Variants in LRP5 observed in about 807,000 individuals in gnomAD.
LRP5 encodes LDL receptor related protein 5.
LRP5 carries 62 observed loss-of-function variants against 154.1 expected under a neutral mutation model. The observed-to-expected ratio is 0.40, with a 90% CI of 0.33 to 0.50. The LOEUF (loss-of-function observed/expected upper bound fraction) is 0.50. Among genes scored for constraint, LRP5 ranks in the 20% least tolerant of loss-of-function variants. LRP5 has a pLI of 0.55. For missense variants in LRP5, 1,915 were observed against 2,336.7 expected, an observed-to-expected ratio of 0.82 and a Z score of 3.72; for synonymous variants, 966 against 1,011.5, an observed-to-expected ratio of 0.96 and a Z score of 0.85.
At chr11:68,344,478 C>T (rs1177804483) in intron 1 of LRP5, among the ~76,000 whole-genome samples, 1 of 224 alleles carries the variant, frequency 4.5e-3, no homozygotes, top group East Asian at 0.083. Flanking sequence ...GCCACCACGC[C>T]CCAGCTAATT....
rs932667395 is a variant in LRP5, at chr11:68,445,656, G to T, written c.4489-780G>T. On this transcript the variant is annotated intron_variant, in intron 21 of 22. Coordinates refer to ENST00000294304, the MANE Select transcript of LRP5 (RefSeq NM_002335.4). ...CACCCTTTGGGAAGCTGCATGTTGG[G>T]TTGGGGTGCCGTCAGTGGCACTTGT... 6.8e-6 allele frequency: 9 copies of T among 1,319,172 alleles called. No homozygotes were observed. In the Admixed American group the frequency reaches 2.0e-4, roughly 30 times the overall value. 81.7% of individuals were successfully genotyped at this position (1,319,172 alleles called of 1,614,324 possible). A position where few individuals can be genotyped will look rare whatever the true frequency, so the allele number is the denominator to read the frequency against.
At chr11:68,379,576 C>T (rs865865500) in intron 5 of LRP5, among the ~76,000 whole-genome samples, 2 of 152,186 alleles carry the variant, frequency 1.3e-5, no homozygotes, top group East Asian at 1.9e-4. Context: ...CCAATTTCCA[C>T]GTTTACTGAC....
At position 68,425,249 on chromosome 11, in the gene LRP5, G is replaced by T; in HGVS notation, c.3384G>T (p.Trp1128Cys). 6.2e-7 allele frequency: 1 copy of T among 1,611,542 alleles called. No individual in the cohort carries two copies. Reference sequence around the variant, plus strand: ...ACAACACACTGGGCAAGCTGTTCTGGGTGGACGCGGACCTGAAGCGCATTG... The same window carrying T: ...ACAACACACTGGGCAAGCTGTTCTGTGTGGACGCGGACCTGAAGCGCATTG... ...VVDNTLGKLFWVDADLKRIES... is the reference protein window; with the variant it reads ...VVDNTLGKLFCVDADLKRIES... The change falls in exon 15 of 23, where the codon TGG becomes TGT. Residue 1128 changes from tryptophan (W) to cysteine (C), a missense_variant. Physicochemically the swap from Trp to Cys is radical, Grantham distance 215. This residue lies in a region of LRP5 where 1,094 missense variants were observed against 1,210.1 expected (regional missense o/e 0.90). Transcript: ENST00000294304.
At chr11:68,437,642 TC>T (rs764905204) in intron 19 of LRP5, among the ~76,000 whole-genome samples, 2 of 152,174 alleles carry the variant, frequency 1.3e-5, no homozygotes, top group Non-Finnish European at 2.9e-5. Flanking sequence ...TGAGAGCTCC[TC>T]TCTTATGGCT....
At position 68,442,049 on chromosome 11, in the gene LRP5, A is replaced by G. The variant is rs141008997; in HGVS notation, c.4488+2133A>G. On this transcript the variant is annotated intron_variant, in intron 21 of 22. Transcript: ENST00000294304. ...TGGCCTCCTGCAGTGTGTTTCTTCT[A>G]TGTCCCCCCAGGGGTCATCTGTACA... Among the ~76,000 whole-genome samples, 529 of 152,342 alleles carry G rather than the reference A, an allele frequency of 3.5e-3. 3 individuals carry two copies. Among genetic ancestry groups the G allele is most frequent in the Non-Finnish European group, 6.2e-3 (425 of 68,026 alleles).
intron 1 of LRP5, among the ~76,000 whole-genome samples, chr11:68,320,651 A>C (rs1454702828): frequency 1.3e-5 from 2 of 151,900 alleles, no homozygotes; most frequent in African/African-American, 4.8e-5. Context: ...TGGTAGAGAC[A>C]GGGTTTCACC....
At chr11:68,360,124 G>A (rs866751407) in intron 3 of LRP5, among the ~76,000 whole-genome samples, 5 of 151,896 alleles carry the variant, frequency 3.3e-5, no homozygotes, top group African/African-American at 9.7e-5. Flanking sequence ...TGTTCCTCCC[G>A]CCTCAGCCTT....
At chr11:68,378,119 C>T (rs2098638367) in intron 5 of LRP5, among the ~76,000 whole-genome samples, 1 of 152,020 alleles carries the variant, frequency 6.6e-6, no homozygotes, top group African/African-American at 2.4e-5. Flanking sequence ...ATGGAGGTGT[C>T]CGGGGCTGCC....
the LRP5 span, among the ~76,000 whole-genome samples, chr11:68,303,652 C>A: frequency 3.9e-5 from 6 of 152,182 alleles, no homozygotes; most frequent in African/African-American, 7.2e-5. Context: ...CGCCACCACA[C>A]CAAGCTAATT....
At chr11:68,364,343 T>C (rs2098629735) in intron 4 of LRP5, among the ~76,000 whole-genome samples, 1 of 144,122 alleles carries the variant, frequency 6.9e-6, no homozygotes. Context: ...TATGGTTATT[T>C]ATATATACAT....
At chr11:68,332,096 C>T (rs1046338145) in intron 1 of LRP5, among the ~76,000 whole-genome samples, 8 of 152,260 alleles carry the variant, frequency 5.3e-5, no homozygotes, top group South Asian at 4.1e-4. Context: ...CCCACTCTCC[C>T]GCCTTCTGCA....
intron 1 of LRP5, among the ~76,000 whole-genome samples, chr11:68,313,867 G>A (rs1172291129): frequency 1.3e-5 from 2 of 152,196 alleles, no homozygotes; most frequent in African/African-American, 4.8e-5. Flanking sequence ...AGTGTGAATG[G>A]TGCAGCGGGG....
chr11:68,299,267 G>A, the LRP5 span, among the ~76,000 whole-genome samples: 2 of 152,224 alleles, frequency 1.3e-5, no homozygotes, highest in Non-Finnish European at 2.9e-5. Context: ...GCAAGGGACA[G>A]CTTGGGGACT....
chr11:68,421,686 CTGTGTGTGTGTGTGTGTGTGTGTG>C (rs148066763), intron 13 of LRP5, among the ~76,000 whole-genome samples: 1 of 133,330 alleles, frequency 7.5e-6, no homozygotes, highest in African/African-American at 2.8e-5. Flanking sequence ...CCCAGCAAGG[CTGTGTGTGTGTGTGTGTGTGTGTG>C]TGTGTGTGTG....
At chr11:68,428,414 G>A (rs1398203020) in intron 16 of LRP5, among the ~76,000 whole-genome samples, 1 of 152,184 alleles carries the variant, frequency 6.6e-6, no homozygotes, top group Non-Finnish European at 1.5e-5. Flanking sequence ...GAGACCAGAA[G>A]CCTGCGACCA....
At chr11:68,311,665 C>T (rs536818878), upstream of LRP5, among the ~76,000 whole-genome samples, 16 of 152,388 alleles carry the variant, frequency 1.0e-4, no homozygotes, top group East Asian at 3.1e-3. Flanking sequence ...GAGGAACACA[C>T]ACGTTCACGG....
At chr11:68,387,357 C>T (rs1591262866) in intron 6 of LRP5, among the ~76,000 whole-genome samples, 1 of 152,062 alleles carries the variant, frequency 6.6e-6, no homozygotes, top group East Asian at 1.9e-4. Context: ...TCAGGTGATC[C>T]ACCTGCCTCA....
chr11:68,406,279 G>A (rs1404624635), intron 8 of LRP5, among the ~76,000 whole-genome samples: 2 of 152,204 alleles, frequency 1.3e-5, no homozygotes, highest in African/African-American at 4.8e-5. Flanking sequence ...GATGTGTGGC[G>A]GGAATAAAGC....
intron 1 of LRP5, among the ~76,000 whole-genome samples, chr11:68,341,228 T>C (rs1157971566): frequency 6.6e-6 from 1 of 152,034 alleles, no homozygotes; most frequent in Non-Finnish European, 1.5e-5. Context: ...ACCGTGTTTC[T>C]GAAAGGTTTG....
Sources: gnomAD v4.1 joint callset for allele counts (sites outside exome capture counted in the v4.1 genomes callset) on GRCh38, gnomAD v4.1.1 for gene constraint, gnomAD v4.1.1 regional missense constraint, MANE v1.5 for transcripts, NCBI Gene and HGNC (gene_info 2026-07-23, HGNC 2026-07-21) for gene names.